ACER3: variants seen among roughly 807,000 people sequenced by gnomAD.
ACER3 encodes the protein alkCDase 3.
ACER3 carries 16 observed loss-of-function variants against 48.9 expected under a neutral mutation model. The ratio of observed to expected loss-of-function variants is 0.33; its 90% CI spans 0.22 to 0.50. The LOEUF (loss-of-function observed/expected upper bound fraction) is 0.50, where lower values mean the gene tolerates loss of function less well. Among genes scored for constraint, ACER3 ranks in the 20% least tolerant of loss-of-function variants. The pLI, the probability that ACER3 is intolerant of heterozygous loss-of-function variation, is 0.98. For synonymous variants in ACER3, 109 were observed against 107.8 expected, an observed-to-expected ratio of 1.01 and a Z score of -0.07; for missense variants, 227 against 326.0, an observed-to-expected ratio of 0.70 and a Z score of 2.34.
chr11:76,984,111 T>G (rs1254564306), intron 4 of ACER3, among the ~76,000 whole-genome samples: 1 of 152,154 alleles, frequency 6.6e-6, no homozygotes, highest in Non-Finnish European at 1.5e-5. Context: ...AAATCTGTCT[T>G]GCCTTCTGTG....
intron 1 of ACER3, among the ~76,000 whole-genome samples, chr11:76,917,602 A>G (rs1946567701): frequency 6.6e-6 from 1 of 152,112 alleles, no homozygotes; most frequent in Non-Finnish European, 1.5e-5. Flanking sequence ...CATGCCTGTA[A>G]TCTAAGCACT....
chr11:77,000,819 A>G (rs1488250313), intron 7 of ACER3, among the ~76,000 whole-genome samples: 1 of 152,208 alleles, frequency 6.6e-6, no homozygotes, highest in African/African-American at 2.4e-5. Flanking sequence ...CTGTGGCCAT[A>G]TAAGTCTTCA....
intron 2 of ACER3, among the ~76,000 whole-genome samples, chr11:76,946,903 C>G (rs1187976145): frequency 6.6e-6 from 1 of 152,218 alleles, no homozygotes; most frequent in Non-Finnish European, 1.5e-5. Flanking sequence ...GGGGTTCTCC[C>G]TAGCCAAGAT....
chr11:76,944,929 A>T (rs1185583820), intron 2 of ACER3, among the ~76,000 whole-genome samples: 3 of 149,638 alleles, frequency 2.0e-5, no homozygotes, highest in Non-Finnish European at 4.5e-5. Context: ...TTTTTGTCTG[A>T]TTGGATTATT....
In ACER3 at chr11:76,987,406, C is replaced by T. The variant is rs545165506; in HGVS notation, c.402+1682C>T. Among the ~76,000 whole-genome samples, 5 of 152,114 alleles carry T rather than the reference C, an allele frequency of 3.3e-5. No homozygotes were observed. The South Asian group carries it at 8.3e-4, about 25-fold the overall frequency. On this transcript the variant is annotated intron_variant, in intron 5 of 10. Coordinates refer to ENST00000532485, the MANE Select transcript of ACER3 (RefSeq NM_018367.7). Reference sequence around the variant, plus strand: ...ATAGATAGTATGTCCTTAATCAAAACAGGAAACTTGGAGGATGAACAGCTT... The same window carrying T: ...ATAGATAGTATGTCCTTAATCAAAATAGGAAACTTGGAGGATGAACAGCTT...
intron 2 of ACER3, among the ~76,000 whole-genome samples, chr11:76,945,454 T>C (rs1454114810): frequency 2.0e-5 from 3 of 152,218 alleles, no homozygotes; most frequent in Admixed American, 1.3e-4. Context: ...GTGTGATCTT[T>C]GTATGACTTC....
chr11:76,933,364 A>G (rs973446785), intron 2 of ACER3, among the ~76,000 whole-genome samples: 1 of 144,350 alleles, frequency 6.9e-6, no homozygotes, highest in African/African-American at 2.5e-5. Context: ...ACAATAGTGG[A>G]GGGAAGGTCA....
chr11:76,935,849 A>G (rs1281315405), intron 2 of ACER3, among the ~76,000 whole-genome samples: 4 of 152,240 alleles, frequency 2.6e-5, no homozygotes, highest in East Asian at 3.8e-4. Context: ...CAAGTGTTCA[A>G]TACCCACATA....
chr11:76,867,348 A>C (rs900115064), intron 1 of ACER3, among the ~76,000 whole-genome samples: 1 of 151,968 alleles, frequency 6.6e-6, no homozygotes, highest in African/African-American at 2.4e-5. Flanking sequence ...ATGTGCCTGT[A>C]GTCCCAGCTG....
At chr11:76,869,213 A>G (rs1945178796) in intron 1 of ACER3, among the ~76,000 whole-genome samples, 1 of 152,172 alleles carries the variant, frequency 6.6e-6, no homozygotes, top group Non-Finnish European at 1.5e-5. Flanking sequence ...TGTCTGCTGT[A>G]GAACTGATTG....
At chr11:76,949,780 G>A (rs1267606849) in intron 2 of ACER3, among the ~76,000 whole-genome samples, 1 of 152,134 alleles carries the variant, frequency 6.6e-6, no homozygotes, top group African/African-American at 2.4e-5. Context: ...CTGTTCTCCA[G>A]CCCTGCCTAC....
At chr11:76,911,223 T>C (rs1457303702) in intron 1 of ACER3, among the ~76,000 whole-genome samples, 1 of 152,192 alleles carries the variant, frequency 6.6e-6, no homozygotes, top group Non-Finnish European at 1.5e-5. Context: ...ATTAATTATA[T>C]GCTAAACAAG....
At chr11:76,917,167 A>G (rs1384527662) in intron 1 of ACER3, among the ~76,000 whole-genome samples, 1 of 152,164 alleles carries the variant, frequency 6.6e-6, no homozygotes, top group African/African-American at 2.4e-5. Context: ...ACTGAAGACA[A>G]AAGGCCCCGA....
At chr11:76,953,096 C>T (rs1192310273) in intron 2 of ACER3, among the ~76,000 whole-genome samples, 1 of 151,970 alleles carries the variant, frequency 6.6e-6, no homozygotes, top group African/African-American at 2.4e-5. Context: ...AAAGCAGACT[C>T]GAGTTAATGG....
At chr11:76,997,402 G>C (rs1227559098) in intron 6 of ACER3, among the ~76,000 whole-genome samples, 1 of 152,152 alleles carries the variant, frequency 6.6e-6, no homozygotes, top group Non-Finnish European at 1.5e-5. Context: ...TGTGATTGCT[G>C]TGAGTATAGG....
intron 1 of ACER3, among the ~76,000 whole-genome samples, chr11:76,905,388 T>C (rs910594419): frequency 6.6e-6 from 1 of 152,202 alleles, no homozygotes; most frequent in Non-Finnish European, 1.5e-5. Context: ...CTTTTTATCA[T>C]GCCAAGTCAA....
chr11:76,925,246 A>G (rs908384652), intron 1 of ACER3, among the ~76,000 whole-genome samples: 1 of 152,180 alleles, frequency 6.6e-6, no homozygotes, highest in African/African-American at 2.4e-5. Flanking sequence ...TGACTTGACA[A>G]TCTCATTTTT....
At chr11:76,921,537 T>C (rs1363160197) in intron 1 of ACER3, among the ~76,000 whole-genome samples, 1 of 152,170 alleles carries the variant, frequency 6.6e-6, no homozygotes, top group Non-Finnish European at 1.5e-5. Context: ...TCGTAAATGT[T>C]AGTATGTTCT....
rs1426126669 is a variant in ACER3 at position 76,885,512 on chromosome 11, C to A, written c.103+24433C>A. Among the ~76,000 whole-genome samples, 3 of 152,110 alleles carry A rather than the reference C, an allele frequency of 2.0e-5. 1 individual carries two copies. Among genetic ancestry groups the A allele is most frequent in the Admixed American group, 2.0e-4 (3 of 15,282 alleles). On this transcript the variant is annotated intron_variant, in intron 1 of 10. Transcript: ENST00000532485. ...ACAGGATGAATAACACCATGTAGGG[C>A]CACTTGGGAAAGCACCAGGGTCAGT...
Sources: allele counts gnomAD v4.1 joint callset (sites outside exome capture counted in the v4.1 genomes callset), GRCh38; gene constraint gnomAD v4.1.1; transcripts MANE v1.5; gene names NCBI Gene and HGNC (gene_info 2026-07-23, HGNC 2026-07-21).